Variants in CFAP299 observed in about 807,000 individuals in gnomAD.
The protein encoded by CFAP299 is cilia and flagella associated protein 299, also known as cilia- and flagella-associated protein 299.
CFAP299 carries 21 observed loss-of-function variants against 27.0 expected under a neutral mutation model. That is an observed-to-expected ratio of 0.78 (90% CI 0.55 to 1.12). CFAP299 has a LOEUF of 1.12. CFAP299 is among the 50% of genes most tolerant of loss of function. The pLI is 0.00. For missense variants in CFAP299, 310 were observed against 276.6 expected (o/e 1.12, Z -0.86); for synonymous variants, 104 against 98.1 (o/e 1.06, Z -0.36).
chr4:80,759,559 C>G (rs1346190248), intron 3 of CFAP299, among the ~76,000 whole-genome samples: 1 of 152,148 alleles, frequency 6.6e-6, no homozygotes, highest in African/African-American at 2.4e-5. Context: ...AATTACCATT[C>G]TCACCTATGT....
At chr4:80,461,285 C>A in intron 2 of CFAP299, among the ~76,000 whole-genome samples, 1 of 152,088 alleles carries the variant, frequency 6.6e-6, no homozygotes, top group East Asian at 1.9e-4. Flanking sequence ...AAAGGAGGTT[C>A]TCTACAGAAC....
At chr4:80,942,746 G>C (rs939668585) in intron 4 of CFAP299, among the ~76,000 whole-genome samples, 4 of 152,124 alleles carry the variant, frequency 2.6e-5, no homozygotes, top group Non-Finnish European at 5.9e-5. Context: ...TCTGACTCAA[G>C]TATTTTGGTA....
At chr4:80,952,706 A>AT (rs537692480) in intron 5 of CFAP299, among the ~76,000 whole-genome samples, 23 of 149,580 alleles carry the variant, frequency 1.5e-4, no homozygotes, top group African/African-American at 2.2e-4. Context: ...TTGTTTTTGC[A>AT]TTTTTTTTTT....
At chr4:80,961,012 T>C (rs1002303422) in intron 5 of CFAP299, among the ~76,000 whole-genome samples, 1 of 151,778 alleles carries the variant, frequency 6.6e-6, no homozygotes, top group African/African-American at 2.4e-5. Context: ...AAGCGAGTAT[T>C]CATTGTATAA....
intron 2 of CFAP299, among the ~76,000 whole-genome samples, chr4:80,524,288 G>A (rs113180348): frequency 1.3e-5 from 2 of 151,864 alleles, no homozygotes; most frequent in African/African-American, 4.8e-5. Flanking sequence ...GTGCCCATGG[G>A]CTCATACATC....
chr4:80,772,353 A>G (rs1726268406), intron 3 of CFAP299, among the ~76,000 whole-genome samples: 1 of 152,214 alleles, frequency 6.6e-6, no homozygotes, highest in Admixed American at 6.5e-5. Flanking sequence ...AGAAAAGGAG[A>G]TGTGACTGAC....
intron 2 of CFAP299, chr4:80,386,530 C>A: frequency 2.5e-6 from 4 of 1,584,904 alleles, no homozygotes; most frequent in Non-Finnish European, 3.4e-6. Flanking sequence ...GGGGGTGCCG[C>A]CGGGTTTGCA....
intron 3 of CFAP299, among the ~76,000 whole-genome samples, chr4:80,720,040 G>T (rs1247683459): frequency 6.6e-6 from 1 of 152,208 alleles, no homozygotes; most frequent in Non-Finnish European, 1.5e-5. Context: ...CCAGGATGCA[G>T]TGAGGATGGA....
chr4:80,649,517 T>C (rs1740185964), intron 3 of CFAP299, among the ~76,000 whole-genome samples: 1 of 152,128 alleles, frequency 6.6e-6, no homozygotes, highest in African/African-American at 2.4e-5. Flanking sequence ...AACAATTTTA[T>C]TTCATTTTCT....
intron 3 of CFAP299, among the ~76,000 whole-genome samples, chr4:80,600,699 G>T (rs1297229263): frequency 6.6e-6 from 1 of 151,922 alleles, no homozygotes; most frequent in East Asian, 1.9e-4. Flanking sequence ...TGTTGTTGTT[G>T]TTGTTGTTTC....
chr4:80,552,574 A>G (rs1201776334), intron 2 of CFAP299, among the ~76,000 whole-genome samples: 2 of 152,246 alleles, frequency 1.3e-5, no homozygotes, highest in African/African-American at 4.8e-5. Context: ...AATTACAAAG[A>G]AAACTGTAGA....
chr4:80,670,913 C>A (rs577397886), intron 3 of CFAP299, among the ~76,000 whole-genome samples: 1 of 152,140 alleles, frequency 6.6e-6, no homozygotes, highest in South Asian at 2.1e-4. Context: ...GGGTAGATTG[C>A]AAAAATTTTC....
rs182170432 is a variant in CFAP299, at chr4:80,382,749, G to C, written c.242+19865G>C. On this transcript the variant is annotated intron_variant, in intron 2 of 5. Transcript: ENST00000358105. ...GGGACTGCAAATTAGTTCAACCATTGTGGAAAGCCTCGTGGCAATTCCTCA... is the reference window on the plus strand; with the variant it reads ...GGGACTGCAAATTAGTTCAACCATTCTGGAAAGCCTCGTGGCAATTCCTCA... 1.4e-3 allele frequency among the ~76,000 whole-genome samples: 217 copies of C among 152,274 alleles called. 1 individual carries two copies. The South Asian group carries it at 0.027, about 19-fold the overall frequency.
intron 3 of CFAP299, among the ~76,000 whole-genome samples, chr4:80,773,195 T>A (rs1243503454): frequency 6.6e-6 from 1 of 152,228 alleles, no homozygotes; most frequent in East Asian, 1.9e-4. Context: ...CTGGGAGATA[T>A]AAGGAATGTA....
chr4:80,608,138 G>A (rs1477076950), intron 3 of CFAP299, among the ~76,000 whole-genome samples: 1 of 151,856 alleles, frequency 6.6e-6, no homozygotes, highest in Non-Finnish European at 1.5e-5. Flanking sequence ...TAATATATGG[G>A]GATATTCATG....
chr4:80,504,713 T>C (rs1456081148), intron 2 of CFAP299, among the ~76,000 whole-genome samples: 3 of 147,818 alleles, frequency 2.0e-5, no homozygotes, highest in African/African-American at 7.4e-5. Context: ...AAGTGAGCGA[T>C]TATGTGGCAT....
intron 3 of CFAP299, among the ~76,000 whole-genome samples, chr4:80,628,975 T>C (rs763333625): frequency 6.6e-6 from 1 of 152,162 alleles, no homozygotes; most frequent in Admixed American, 6.5e-5. Context: ...TGAATATGTA[T>C]CTAAAGAAAT....
At chr4:80,883,424 A>G (rs1733814325) in intron 4 of CFAP299, among the ~76,000 whole-genome samples, 2 of 152,148 alleles carry the variant, frequency 1.3e-5, no homozygotes, top group African/African-American at 4.8e-5. Context: ...ATGACAATTA[A>G]AAGTCCTCCC....
At chr4:80,479,378 T>C (rs1443082002) in intron 2 of CFAP299, among the ~76,000 whole-genome samples, 2 of 152,042 alleles carry the variant, frequency 1.3e-5, no homozygotes, top group Non-Finnish European at 2.9e-5. Context: ...ATTTTCTCCT[T>C]GAGGTTTATA....
Sources: allele counts gnomAD v4.1 joint callset (sites outside exome capture counted in the v4.1 genomes callset), GRCh38; gene constraint gnomAD v4.1.1; transcripts MANE v1.5; gene names NCBI Gene and HGNC (gene_info 2026-07-23, HGNC 2026-07-21).